Variants in PRLR observed in about 807,000 individuals in gnomAD.
PRLR encodes the protein prolactin receptor, also known as hPRL receptor.
Under a neutral mutation model 40.2 loss-of-function variants are expected in PRLR, and 13 were observed. The observed-to-expected ratio is 0.32, with a 90% CI of 0.21 to 0.51. PRLR has a LOEUF of 0.51. PRLR is among the 20% of genes least tolerant of loss of function. The pLI is 0.97. For synonymous variants in PRLR, 269 were observed against 278.7 expected, an observed-to-expected ratio of 0.97 and a Z score of 0.35; for missense variants, 656 against 747.3, an observed-to-expected ratio of 0.88 and a Z score of 1.42.
intron 1 of PRLR, among the ~76,000 whole-genome samples, chr5:35,161,287 T>C (rs1443673919): frequency 6.6e-6 from 1 of 152,218 alleles, no homozygotes; most frequent in Non-Finnish European, 1.5e-5. Flanking sequence ...ACTTCCCTCC[T>C]GTAGTACCTT....
chr5:35,055,610 TTTG>T (rs1175110118), downstream of PRLR: 1 of 152,162 alleles, frequency 6.6e-6, no homozygotes, highest in Non-Finnish European at 1.5e-5. Flanking sequence ...TCTAATAAAT[TTTG>T]TTGTGGCAAA....
At chr5:35,049,161 A>C (rs188820427) in exon 9 of PRLR, 2 of 699,234 alleles carry the variant, frequency 2.9e-6, no homozygotes, top group African/African-American at 3.5e-5. Context: ...CACGTGCTGC[A>C]GGAGTAATCC....
chr5:35,089,382 A>T (rs1771063933), intron 3 of PRLR, among the ~76,000 whole-genome samples, 169 bp downstream of exon 3: 1 of 152,198 alleles, frequency 6.6e-6, no homozygotes, highest in Non-Finnish European at 1.5e-5. Flanking sequence ...TAATTGCATT[A>T]ATTTTTCTGC....
intron 1 of PRLR, among the ~76,000 whole-genome samples, chr5:35,150,622 G>T (rs1165740215): frequency 6.6e-6 from 1 of 152,104 alleles, no homozygotes; most frequent in Non-Finnish European, 1.5e-5. Flanking sequence ...TTAATAGTGG[G>T]TCATAAAGTT....
chr5:35,078,260 C>T (rs1217504582), intron 5 of PRLR, among the ~76,000 whole-genome samples: 1 of 151,984 alleles, frequency 6.6e-6, no homozygotes, highest in Non-Finnish European at 1.5e-5. Context: ...ATCAGTGAAT[C>T]CAGGAGCGGT....
At chr5:35,079,872 G>T (rs1461847384) in intron 5 of PRLR, among the ~76,000 whole-genome samples, 5 of 152,114 alleles carry the variant, frequency 3.3e-5, no homozygotes, top group African/African-American at 9.7e-5. Flanking sequence ...AGAGCCCTCA[G>T]AAATAATACC....
At chr5:35,153,633 G>C (rs1035545658) in intron 1 of PRLR, among the ~76,000 whole-genome samples, 1 of 150,838 alleles carries the variant, frequency 6.6e-6, no homozygotes, top group Admixed American at 6.6e-5. Context: ...GAAATTCTTT[G>C]ATTTGCTCAG....
chr5:35,152,501 A>C (rs1048259965), intron 1 of PRLR, among the ~76,000 whole-genome samples: 4 of 152,134 alleles, frequency 2.6e-5, no homozygotes, highest in Non-Finnish European at 5.9e-5. Flanking sequence ...AGCATAGGAG[A>C]TTGCCAATAC....
intron 1 of PRLR, among the ~76,000 whole-genome samples, chr5:35,206,983 C>T (rs1776038913): frequency 6.6e-6 from 1 of 152,076 alleles, no homozygotes; most frequent in Non-Finnish European, 1.5e-5. Flanking sequence ...TTGCAGATCT[C>T]ATCTTAATAT....
chr5:35,204,414 A>G (rs1775960262), intron 1 of PRLR, among the ~76,000 whole-genome samples: 1 of 152,068 alleles, frequency 6.6e-6, no homozygotes, highest in African/African-American at 2.4e-5. Flanking sequence ...CTAAGGGAGC[A>G]GGGCTTTGGG....
rs1769086399 is a variant in PRLR at position 35,062,320 on chromosome 5, AG to A, written c.*2768del. 1 of 152,124 alleles carries A rather than the reference AG, an allele frequency of 6.6e-6. No individual in the cohort carries two copies. The highest frequency in any genetic ancestry group is 1.5e-5 in the Non-Finnish European group (1 of 68,022). 9.4% of individuals were successfully genotyped at this position (152,124 alleles called of 1,614,324 possible). A position where few individuals can be genotyped will look rare whatever the true frequency, so the allele number is the denominator to read the frequency against. On this transcript the variant is annotated 3_prime_UTR_variant, in exon 10 of 10. Coordinates refer to ENST00000618457, the MANE Select transcript of PRLR (RefSeq NM_000949.7). ...ATCTTCAGAGGAAACTGAGGCTTAGAGGGGGGAATTAATCTCTCCAAGGCAA... is the reference window on the plus strand; with the variant it reads ...ATCTTCAGAGGAAACTGAGGCTTAGAGGGGGAATTAATCTCTCCAAGGCAA...
At chr5:35,183,136 A>G (rs1027172978) in intron 1 of PRLR, among the ~76,000 whole-genome samples, 12 of 152,106 alleles carry the variant, frequency 7.9e-5, no homozygotes, top group Non-Finnish European at 2.9e-5. Flanking sequence ...AGTAGGCACT[A>G]CCCTGCCAAG....
chr5:35,171,657 G>C (rs1327407006), intron 1 of PRLR, among the ~76,000 whole-genome samples: 1 of 152,176 alleles, frequency 6.6e-6, no homozygotes, highest in Non-Finnish European at 1.5e-5. Context: ...AAGACATTTG[G>C]AAGCTTGGGG....
At chr5:35,156,676 A>G (rs2111887470) in intron 1 of PRLR, among the ~76,000 whole-genome samples, 1 of 152,254 alleles carries the variant, frequency 6.6e-6, no homozygotes, top group Non-Finnish European at 1.5e-5. Flanking sequence ...GCTCTTCCTC[A>G]AATGACTTCC....
intron 1 of PRLR, among the ~76,000 whole-genome samples, chr5:35,119,744 G>T (rs2111723381): frequency 6.6e-6 from 1 of 152,230 alleles, no homozygotes; most frequent in Non-Finnish European, 1.5e-5. Flanking sequence ...GCTCCGTTCT[G>T]TCATCTCCAA....
intron 2 of PRLR, among the ~76,000 whole-genome samples, chr5:35,113,765 C>T (rs527840680): frequency 2.6e-5 from 4 of 152,310 alleles, no homozygotes; most frequent in South Asian, 2.1e-4. Context: ...GAACCCATAG[C>T]GGGCAGATTT....
intron 2 of PRLR, among the ~76,000 whole-genome samples, chr5:35,090,927 C>T (rs367951961): frequency 2.7e-5 from 4 of 150,832 alleles, no homozygotes; most frequent in African/African-American, 9.7e-5. Flanking sequence ...TCTCCTGCCT[C>T]GGCCTCCCGA....
At chr5:35,093,824 G>T (rs893118047) in intron 2 of PRLR, among the ~76,000 whole-genome samples, 2 of 152,122 alleles carry the variant, frequency 1.3e-5, no homozygotes, top group Non-Finnish European at 2.9e-5. Flanking sequence ...CTTTTTCTAT[G>T]TTTAGATATA....
At chr5:35,093,894 C>T (rs1280544587) in intron 2 of PRLR, among the ~76,000 whole-genome samples, 2 of 152,212 alleles carry the variant, frequency 1.3e-5, no homozygotes, top group African/African-American at 4.8e-5. Flanking sequence ...AGTTCTGTGA[C>T]AGCTGTATAG....
Sources: allele counts gnomAD v4.1 joint callset (sites outside exome capture counted in the v4.1 genomes callset), GRCh38; gene constraint gnomAD v4.1.1; transcripts MANE v1.5; gene names NCBI Gene and HGNC (gene_info 2026-07-23, HGNC 2026-07-21).